The following DMD variants were observed in gnomAD, a reference collection of about 807,000 sequenced individuals.
DMD encodes mutant dystrophin.
DMD carries 63 observed loss-of-function variants against 330.1 expected under a neutral mutation model. The ratio of observed to expected loss-of-function variants is 0.19; its 90% CI spans 0.16 to 0.24. The LOEUF (loss-of-function observed/expected upper bound fraction) is 0.24, where lower values mean the gene tolerates loss of function less well. Among genes scored for constraint, DMD ranks in the 10% least tolerant of loss-of-function variants. DMD has a pLI of 1.00. For missense variants in DMD, 3,344 were observed against 2,684.1 expected (o/e 1.25, Z -5.43); for synonymous variants, 1,223 against 959.8 (o/e 1.27, Z -5.07).
chrX:31,742,556 T>C (rs2087447076), intron 51 of DMD, among the ~76,000 whole-genome samples: 2 of 111,751 alleles, frequency 1.8e-5, no homozygotes, highest in Non-Finnish European at 3.8e-5. Flanking sequence ...AAAACATTGA[T>C]TGATTAAGTT....
At chrX:31,315,422 G>A (rs1267216470) in intron 62 of DMD, among the ~76,000 whole-genome samples, 1 of 111,687 alleles carries the variant, frequency 9.0e-6, no homozygotes, top group African/African-American at 3.3e-5. Context: ...CAAACGAACA[G>A]AGTTGGGATA....
chrX:32,013,201 C>A (rs2150418545), intron 44 of DMD, among the ~76,000 whole-genome samples: 1 of 100,768 alleles, frequency 9.9e-6, no homozygotes, highest in South Asian at 4.8e-4. Flanking sequence ...ATTCTCCTGC[C>A]TCAGCCTGCT....
At chrX:31,925,396 G>A (rs1474144378) in intron 47 of DMD, among the ~76,000 whole-genome samples, 1 of 110,760 alleles carries the variant, frequency 9.0e-6, no homozygotes, top group East Asian at 2.8e-4. Context: ...TAAATGGGTA[G>A]TTAAAAAAAT....
intron 2 of DMD, among the ~76,000 whole-genome samples, chrX:32,964,815 A>G (rs1943778823): frequency 8.9e-6 from 1 of 112,542 alleles, no homozygotes; most frequent in Non-Finnish European, 1.9e-5. Flanking sequence ...TCATAATGAA[A>G]TAATCAATCA....
chrX:32,432,025 C>T (rs1408349820), intron 29 of DMD, among the ~76,000 whole-genome samples: 1 of 111,908 alleles, frequency 8.9e-6, no homozygotes, highest in African/African-American at 3.3e-5. Context: ...GACTTAATCA[C>T]TTGTTTGGAT....
chrX:31,392,981 G>A (rs766540440), intron 60 of DMD, among the ~76,000 whole-genome samples: 1 of 112,027 alleles, frequency 8.9e-6, no homozygotes, highest in South Asian at 3.8e-4. Flanking sequence ...AGGTCTCTGA[G>A]CCAAAAGGTT....
At position 32,609,468 on chromosome X, in the gene DMD, A is replaced by G. The variant is rs778944993; in HGVS notation, c.1482+4835T>C. ...TCCAGCATTCAGTATAGTACAAGAC[A>G]TCGTAAATGATTGGTTTCTGCATTC... On this transcript the variant is annotated intron_variant, in intron 12 of 78. Coordinates refer to ENST00000357033, the MANE Select transcript of DMD (RefSeq NM_004006.3). 2.7e-5 allele frequency among the ~76,000 whole-genome samples: 3 copies of G among 110,943 alleles called. 1 individual carries two copies. In the Admixed American group the frequency reaches 2.9e-4, roughly 11 times the overall value.
intron 52 of DMD, among the ~76,000 whole-genome samples, chrX:31,714,387 A>G (rs2148927572): frequency 8.9e-6 from 1 of 112,312 alleles, no homozygotes; most frequent in Non-Finnish European, 1.9e-5. Context: ...TAATTTTTCA[A>G]TGAAATAAGG....
At chrX:33,007,897 T>A (rs1471597894) in intron 2 of DMD, among the ~76,000 whole-genome samples, 2 of 111,799 alleles carry the variant, frequency 1.8e-5, no homozygotes, top group African/African-American at 6.5e-5. Flanking sequence ...TGAAAAGTAC[T>A]CTCCGTAGAC....
At chrX:32,408,718 C>G in intron 30 of DMD, among the ~76,000 whole-genome samples, 1 of 111,421 alleles carries the variant, frequency 9.0e-6, no homozygotes, top group Middle Eastern at 4.6e-3. Flanking sequence ...GCTAAATATA[C>G]CATTTATGAG....
chrX:31,660,619 A>G (rs1022429134), intron 53 of DMD, among the ~76,000 whole-genome samples: 1 of 112,047 alleles, frequency 8.9e-6, no homozygotes, highest in African/African-American at 3.2e-5. Flanking sequence ...CTTTTATAAA[A>G]CACTGAATTG....
At chrX:32,225,366 T>C (rs980276718) in intron 43 of DMD, among the ~76,000 whole-genome samples, 2 of 111,890 alleles carry the variant, frequency 1.8e-5, no homozygotes, top group Non-Finnish European at 3.8e-5. Flanking sequence ...CAGGAGATTA[T>C]TGACTCTTAA....
chrX:31,234,176 C>A (rs1232092158), intron 63 of DMD, among the ~76,000 whole-genome samples: 1 of 111,804 alleles, frequency 8.9e-6, no homozygotes, highest in East Asian at 2.8e-4. Flanking sequence ...CTTTTCAGAT[C>A]TTTGCCTCAG....
intron 2 of DMD, among the ~76,000 whole-genome samples, chrX:32,958,473 C>A (rs1283983123): frequency 9.0e-6 from 1 of 110,850 alleles, no homozygotes; most frequent in Non-Finnish European, 1.9e-5. Context: ...CAAGTTCCTC[C>A]CATTATTTAA....
chrX:32,656,427 A>G (rs1410775474), intron 9 of DMD, among the ~76,000 whole-genome samples: 1 of 112,067 alleles, frequency 8.9e-6, no homozygotes, highest in Admixed American at 9.5e-5. Flanking sequence ...AGTCTGAAAG[A>G]GAAACAAACT....
chrX:31,517,588 T>C (rs745576892), intron 55 of DMD, among the ~76,000 whole-genome samples: 1 of 110,894 alleles, frequency 9.0e-6, no homozygotes, highest in Non-Finnish European at 1.9e-5. Context: ...TAATGATTAT[T>C]GGGAGGATGG....
At chrX:33,051,644 C>CTTTTTTT (rs1569551755) in intron 1 of DMD, among the ~76,000 whole-genome samples, 10 of 80,694 alleles carry the variant, frequency 1.2e-4, no homozygotes, top group African/African-American at 1.8e-4. Flanking sequence ...TAATTACGCT[C>CTTTTTTT]TATTTTTTTT....
intron 43 of DMD, among the ~76,000 whole-genome samples, chrX:32,257,149 T>C (rs188463526): frequency 9.0e-6 from 1 of 111,698 alleles, no homozygotes; most frequent in East Asian, 2.8e-4. Context: ...CAAACCACTG[T>C]TCAAGAAAAT....
At chrX:31,376,872 T>C (rs754419093) in intron 60 of DMD, among the ~76,000 whole-genome samples, 1 of 111,904 alleles carries the variant, frequency 8.9e-6, no homozygotes, top group South Asian at 3.8e-4. Flanking sequence ...CAGGTTTTAA[T>C]GATTACAGCA....
Sources: allele counts gnomAD v4.1 joint callset (sites outside exome capture counted in the v4.1 genomes callset), GRCh38; gene constraint gnomAD v4.1.1; transcripts MANE v1.5; gene names NCBI Gene and HGNC (gene_info 2026-07-23, HGNC 2026-07-21).